Variants in ELAPOR2 observed in about 807,000 individuals in gnomAD.
ELAPOR2 encodes the protein endosome/lysosome-associated apoptosis and autophagy regulator family member 2.
Under a neutral mutation model 120.7 loss-of-function variants are expected in ELAPOR2, and 89 were observed. That is an observed-to-expected ratio of 0.74 (90% confidence interval 0.62 to 0.88). The LOEUF is 0.88. Among genes scored for constraint, ELAPOR2 ranks in the 40% least tolerant of loss-of-function variants. The probability of loss-of-function intolerance (pLI) is 0.00; values close to 1 mark genes in which losing one functional copy is unlikely to be tolerated. For synonymous variants in ELAPOR2, 444 were observed against 444.9 expected (o/e 1.00, Z 0.03); for missense variants, 1,134 against 1,251.6 (o/e 0.91, Z 1.42).
chr7:86,942,600 A>G (rs1330303536), intron 4 of ELAPOR2, among the ~76,000 whole-genome samples: 2 of 152,220 alleles, frequency 1.3e-5, no homozygotes, highest in African/African-American at 4.8e-5. Flanking sequence ...ATGCAAAAGT[A>G]AGTGGCTATG....
At chr7:86,887,954 T>C (rs1443947801) in intron 21 of ELAPOR2, among the ~76,000 whole-genome samples, 3 of 152,108 alleles carry the variant, frequency 2.0e-5, no homozygotes, top group Admixed American at 2.0e-4. Flanking sequence ...TCCTGGATTC[T>C]GCCTCACCAA....
intron 18 of ELAPOR2, among the ~76,000 whole-genome samples, chr7:86,905,514 C>T (rs775246201): frequency 1.3e-5 from 2 of 151,984 alleles, no homozygotes; most frequent in Non-Finnish European, 2.9e-5. Context: ...CTTCAGTGCG[C>T]ATCACAACTC....
intron 1 of ELAPOR2, among the ~76,000 whole-genome samples, chr7:86,985,678 T>A (rs181514043): frequency 6.6e-6 from 1 of 152,314 alleles, no homozygotes; most frequent in East Asian, 1.9e-4. Context: ...TAGGTATTTT[T>A]TTTAATACTT....
At chr7:86,993,437 A>G (rs575548683) in intron 1 of ELAPOR2, among the ~76,000 whole-genome samples, 14 of 152,206 alleles carry the variant, frequency 9.2e-5, no homozygotes, top group Admixed American at 3.3e-4. Context: ...AATCAAAGAG[A>G]TGAGTTATTT....
chr7:86,999,693 G>C (rs1281780979), intron 1 of ELAPOR2, among the ~76,000 whole-genome samples: 3 of 152,108 alleles, frequency 2.0e-5, no homozygotes, highest in African/African-American at 7.2e-5. Context: ...GTCTATGGTA[G>C]AAACATTCAG....
chr7:86,991,254 G>T (rs1792935873), intron 1 of ELAPOR2, among the ~76,000 whole-genome samples: 1 of 152,178 alleles, frequency 6.6e-6, no homozygotes, highest in African/African-American at 2.4e-5. Flanking sequence ...TGTATCAGGT[G>T]AATGTTGATG....
intron 1 of ELAPOR2, among the ~76,000 whole-genome samples, chr7:87,011,100 C>T (rs13222927): frequency 0.38 from 57,106 of 150,972 alleles, 11,616 homozygotes; most frequent in African/African-American, 0.53. Flanking sequence ...ACCCCGTCTC[C>T]ACTAAAAATA....
chr7:86,881,242 G>A (rs532219672), intron 21 of ELAPOR2, among the ~76,000 whole-genome samples: 17 of 152,242 alleles, frequency 1.1e-4, no homozygotes, highest in Admixed American at 3.3e-4. Context: ...TGTCACCTAA[G>A]CTGGAGTACA....
intron 1 of ELAPOR2, among the ~76,000 whole-genome samples, chr7:87,056,777 T>G (rs1052684600): frequency 6.6e-6 from 1 of 152,244 alleles, no homozygotes. Context: ...GCCAGTTCTC[T>G]GCATTTGTCT....
chr7:86,952,956 C>G (rs983615170), intron 2 of ELAPOR2, among the ~76,000 whole-genome samples: 4 of 151,834 alleles, frequency 2.6e-5, no homozygotes, highest in Admixed American at 2.6e-4. Context: ...GTTAGCCAGG[C>G]GAGGTGGCGC....
chr7:87,052,282 C>T (rs144152505), intron 1 of ELAPOR2, among the ~76,000 whole-genome samples: 2,922 of 152,290 alleles, frequency 0.019, 32 homozygotes, highest in African/African-American at 0.027. Context: ...AGGTGAAAGG[C>T]ACATCTCACA....
intron 1 of ELAPOR2, among the ~76,000 whole-genome samples, chr7:87,045,352 C>A (rs1794917349): frequency 6.7e-6 from 1 of 149,638 alleles, no homozygotes; most frequent in African/African-American, 2.5e-5. Context: ...AGACTTGGAA[C>A]CAACCCAAAT....
At chr7:86,904,630 T>C (rs1379944692) in intron 18 of ELAPOR2, among the ~76,000 whole-genome samples, 2 of 152,166 alleles carry the variant, frequency 1.3e-5, no homozygotes, top group Non-Finnish European at 2.9e-5. Context: ...CAGCTTGGTG[T>C]TTCCAGCTGC....
At chr7:87,023,541 A>C (rs867554019) in intron 1 of ELAPOR2, among the ~76,000 whole-genome samples, 1 of 152,076 alleles carries the variant, frequency 6.6e-6, no homozygotes, top group Non-Finnish European at 1.5e-5. Context: ...TTGACTTGGC[A>C]ATGCGGGCTC....
At chr7:86,898,503 A>G (rs919516546) in intron 18 of ELAPOR2, among the ~76,000 whole-genome samples, 1 of 149,910 alleles carries the variant, frequency 6.7e-6, no homozygotes, top group South Asian at 2.2e-4. Flanking sequence ...GTATGGTAGG[A>G]GAATTATATT....
chr7:87,039,891 G>A (rs1334342421), intron 1 of ELAPOR2, among the ~76,000 whole-genome samples: 1 of 152,154 alleles, frequency 6.6e-6, no homozygotes, highest in African/African-American at 2.4e-5. Context: ...GCCAGACAGA[G>A]GGCGCAGGTC....
At chr7:86,903,768 T>C (rs1788831953) in intron 18 of ELAPOR2, among the ~76,000 whole-genome samples, 1 of 152,162 alleles carries the variant, frequency 6.6e-6, no homozygotes, top group Admixed American at 6.6e-5. Flanking sequence ...GGCAAAACAA[T>C]TTTAGGCTGA....
intron 2 of ELAPOR2, among the ~76,000 whole-genome samples, chr7:86,957,631 G>A (rs1791530349): frequency 6.6e-6 from 1 of 152,178 alleles, no homozygotes; most frequent in South Asian, 2.1e-4. Context: ...CATTGCATAT[G>A]AGGATATAGC....
At chr7:86,906,461 G>A (rs920668343) in intron 18 of ELAPOR2, among the ~76,000 whole-genome samples, 1 of 152,056 alleles carries the variant, frequency 6.6e-6, no homozygotes, top group Non-Finnish European at 1.5e-5. Flanking sequence ...ATGCCTTTAT[G>A]CCCAAAAATA....
Sources: gnomAD v4.1 joint callset for allele counts (sites outside exome capture counted in the v4.1 genomes callset) on GRCh38, gnomAD v4.1.1 for gene constraint, MANE v1.5 for transcripts, NCBI Gene and HGNC (gene_info 2026-07-23, HGNC 2026-07-21) for gene names.